MORC3: variants seen among roughly 807,000 people sequenced by gnomAD.
MORC3 encodes MORC family CW-type zinc finger 3.
In MORC3, 31 loss-of-function variants were observed where a neutral mutation model predicts 109.1. The ratio of observed to expected loss-of-function variants is 0.28; its 90% CI spans 0.21 to 0.38. MORC3 has a LOEUF of 0.38. Ranked by LOEUF, MORC3 falls within the 10% of genes least tolerant of loss-of-function variation. The pLI, the probability that MORC3 is intolerant of heterozygous loss-of-function variation, is 1.00. For missense variants in MORC3, 867 were observed against 1,135.8 expected (o/e 0.76, Z 3.40); for synonymous variants, 395 against 380.7 (o/e 1.04, Z -0.44).
At chr21:36,328,419 G>A (rs532187858) in intron 1 of MORC3, among the ~76,000 whole-genome samples, 15 of 139,654 alleles carry the variant, frequency 1.1e-4, no homozygotes, top group South Asian at 2.5e-4. Flanking sequence ...TGGCGCCATC[G>A]CAGTCTCCAC....
At chr21:36,334,691 A>G (rs1178351739) in intron 2 of MORC3, among the ~76,000 whole-genome samples, 5 of 152,320 alleles carry the variant, frequency 3.3e-5, no homozygotes, top group Admixed American at 2.6e-4. Context: ...ATTGTGTTAG[A>G]TATGTAATAA....
chr21:36,356,861 T>A (rs1032357109), intron 10 of MORC3, 137 bp downstream of exon 10: 2 of 500,538 alleles, frequency 4.0e-6, no homozygotes, highest in African/African-American at 4.0e-5. Context: ...ATTAGCGCAC[T>A]GCAAAATCAG....
intron 13 of MORC3, among the ~76,000 whole-genome samples, chr21:36,362,788 C>T (rs1418348932): frequency 6.6e-6 from 1 of 152,066 alleles, no homozygotes; most frequent in Admixed American, 6.6e-5. Context: ...AGTTCATTTT[C>T]TTCTCTTGTA....
intron 8 of MORC3, 45 bp downstream of exon 8, chr21:36,345,076 A>C (rs781345717): frequency 9.4e-5 from 144 of 1,536,208 alleles, no homozygotes; most frequent in Non-Finnish European, 1.2e-4. Context: ...TATTTTCCAC[A>C]AAAGTTAGGA....
At chr21:36,332,785 T>G (rs1386870235) in intron 1 of MORC3, among the ~76,000 whole-genome samples, 1 of 88,784 alleles carries the variant, frequency 1.1e-5, no homozygotes, top group Non-Finnish European at 2.0e-5. Flanking sequence ...CAATTGGAAC[T>G]CTTTCTTTTT....
chr21:36,372,068 C>T (rs1039394170), intron 15 of MORC3, among the ~76,000 whole-genome samples: 2 of 152,096 alleles, frequency 1.3e-5, no homozygotes, highest in African/African-American at 4.8e-5. Context: ...CCACCTCAGC[C>T]TCCCAAAGTG....
In MORC3 at chr21:36,344,689, T is replaced by G; in HGVS notation, c.867T>G (p.Val289=). 1 of 1,613,632 alleles carries G rather than the reference T, an allele frequency of 6.2e-7. No individual in the cohort carries two copies. The highest frequency in any genetic ancestry group is 8.5e-7 in the Non-Finnish European group (1 of 1,179,912). ...GTCTTGCCTACATCGAACGTGATGT[T>G]TATCGACCAAAATTTTTAGTATCCT... ...SKSLAYIERD[V]YRPKFLSKTV... is the part of the protein sequence containing the mutation. The change falls in exon 7 of 17, where the codon GTT becomes GTG. Residue 289 remains valine, a synonymous_variant. Coordinates refer to ENST00000400485, the MANE Select transcript of MORC3 (RefSeq NM_015358.3).
At chr21:36,332,584 C>A (rs2085328618) in intron 1 of MORC3, among the ~76,000 whole-genome samples, 1 of 152,184 alleles carries the variant, frequency 6.6e-6, no homozygotes, top group Non-Finnish European at 1.5e-5. Flanking sequence ...TTATTTAAAT[C>A]AGCTGGTGAC....
chr21:36,334,083 G>T (rs995118338), intron 2 of MORC3, among the ~76,000 whole-genome samples: 1 of 151,914 alleles, frequency 6.6e-6, no homozygotes, highest in Admixed American at 6.6e-5. Context: ...CACCGCACCC[G>T]GCCTACAAAA....
At chr21:36,357,499 T>G (rs1192297694) in intron 10 of MORC3, among the ~76,000 whole-genome samples, 2 of 151,996 alleles carry the variant, frequency 1.3e-5, no homozygotes, top group Admixed American at 1.3e-4. Context: ...GTCCAGGTGA[T>G]CCTCCCACCC....
intron 5 of MORC3, 147 bp downstream of exon 5, chr21:36,339,068 G>T: frequency 1.0e-6 from 1 of 976,760 alleles, no homozygotes; most frequent in Non-Finnish European, 1.5e-6. Flanking sequence ...CTTTGCCCAG[G>T]ATATGTTATA....
Position 36,369,575 on chromosome 21 carries a change from A to G in MORC3, c.2207A>G (p.Asp736Gly), listed in dbSNP as rs1202913948. Residue 736 changes from aspartate (D) to glycine (G), a missense_variant, in exon 15 of 17, where the codon GAC becomes GGC. Coordinates refer to ENST00000400485, the MANE Select transcript of MORC3 (RefSeq NM_015358.3). ...VLQQRILEMN[D>G]KYVKKETCHQ... The stretch of plus-strand genomic sequence containing the variant: ...CAACAGAGGATACTAGAAATGAATG[A>G]CAAGTATGTTAAGAAAGAAACTTGC... The G allele has an allele frequency of 3.7e-6, 6 of 1,614,110 alleles. No individual in the cohort carries two copies. In the South Asian group the frequency reaches 4.4e-5, roughly 12 times the overall value.
chr21:36,327,136 A>T (rs1319190270), intron 1 of MORC3, among the ~76,000 whole-genome samples: 5 of 135,800 alleles, frequency 3.7e-5, no homozygotes, highest in Middle Eastern at 4.2e-3. Context: ...AAATTTAAAG[A>T]TATTAATTGG....
chr21:36,372,200 A>G (rs1231494339), intron 15 of MORC3, among the ~76,000 whole-genome samples, 174 bp from the exon 16 acceptor site: 3 of 152,068 alleles, frequency 2.0e-5, no homozygotes, highest in Non-Finnish European at 4.4e-5. Context: ...GTAGAAGTGA[A>G]GCTGTAAACG....
At chr21:36,322,025 C>T (rs549832496) in intron 1 of MORC3, among the ~76,000 whole-genome samples, 1 of 152,148 alleles carries the variant, frequency 6.6e-6, no homozygotes, top group Non-Finnish European at 1.5e-5. Context: ...CAGAAATCTC[C>T]CATCTGCAGC....
intron 9 of MORC3, among the ~76,000 whole-genome samples, chr21:36,350,428 A>G (rs2085557862): frequency 6.6e-6 from 1 of 151,920 alleles, no homozygotes; most frequent in Non-Finnish European, 1.5e-5. Flanking sequence ...GCTTATCTCT[A>G]CAGAAAATAA....
At chr21:36,355,263 G>T (rs775103426) in intron 9 of MORC3, among the ~76,000 whole-genome samples, 21 of 152,124 alleles carry the variant, frequency 1.4e-4, no homozygotes, top group Non-Finnish European at 2.6e-4. Context: ...GATGCCTTTG[G>T]TATTGAAGTC....
intron 9 of MORC3, among the ~76,000 whole-genome samples, chr21:36,355,204 C>T (rs1471111747): frequency 6.6e-6 from 1 of 152,166 alleles, no homozygotes; most frequent in Non-Finnish European, 1.5e-5. Flanking sequence ...TCCTTGTTAT[C>T]TAGAGGCTGA....
Position 36,375,994 on chromosome 21 carries a change from G to GT in MORC3, c.*701dup, listed in dbSNP as rs1378566402. 6.6e-6 allele frequency: 1 copy of GT among 152,170 alleles called. No individual in the cohort carries two copies. The highest frequency in any genetic ancestry group is 1.5e-5 in the Non-Finnish European group (1 of 68,020). 9.4% of individuals were successfully genotyped at this position (152,170 alleles called of 1,614,324 possible). ...TATTGAAATATTAAATGGCCACCAA[G>GT]TTTACTTTGAAGCCCATTTTTGGCT... On this transcript the variant is annotated 3_prime_UTR_variant, in exon 17 of 17. Coordinates refer to ENST00000400485, the MANE Select transcript of MORC3 (RefSeq NM_015358.3).
Sources: gnomAD v4.1 joint callset for allele counts (sites outside exome capture counted in the v4.1 genomes callset) on GRCh38, gnomAD v4.1.1 for gene constraint, MANE v1.5 for transcripts, NCBI Gene and HGNC (gene_info 2026-07-23, HGNC 2026-07-21) for gene names.